The following NAA11 variants were observed in gnomAD, a reference collection of about 807,000 sequenced individuals.
NAA11 encodes N-alpha-acetyltransferase 11.
NAA11 carries 15 observed loss-of-function variants against 16.1 expected under a neutral mutation model. The ratio of observed to expected loss-of-function variants is 0.93; its 90% CI spans 0.62 to 1.44. The LOEUF is 1.44. NAA11 is among the 40% of genes most tolerant of loss of function. The pLI is 0.00. For synonymous variants in NAA11, 122 were observed against 112.4 expected, an observed-to-expected ratio of 1.09 and a Z score of -0.54; for missense variants, 298 against 291.3, an observed-to-expected ratio of 1.02 and a Z score of -0.17.
At chr4:79,212,295 T>TA in the NAA11 span, among the ~76,000 whole-genome samples, 1 of 152,192 alleles carries the variant, frequency 6.6e-6, no homozygotes, top group Non-Finnish European at 1.5e-5. Flanking sequence ...TTTCCCCTGT[T>TA]ATTAAAGTTT....
Position 79,229,637 on chromosome 4 carries a change from TTAATAA to T in NAA11, c.*123-3373_*123-3368del, listed in dbSNP as rs1560690796. 2.0e-5 allele frequency among the ~76,000 whole-genome samples: 3 copies of T among 151,936 alleles called. No homozygotes were observed. In the East Asian group the frequency reaches 5.8e-4, roughly 29 times the overall value. ...GTTTCAGTGATCCATTGGTCTGTAT[TTAATAA>T]TAATAATATCTAACATTTAGTAAAT... On this transcript the variant is annotated intron_variant and NMD_transcript_variant, in intron 2 of 2. Transcript: ENST00000511542.
chr4:79,263,449 A>C (rs918512612), intron 2 of NAA11, among the ~76,000 whole-genome samples: 2 of 152,188 alleles, frequency 1.3e-5, no homozygotes, highest in Non-Finnish European at 2.9e-5. Flanking sequence ...GAACAAAAAG[A>C]AAGCATTGAG....
At chr4:79,176,536 A>G in the NAA11 span, among the ~76,000 whole-genome samples, 1 of 152,074 alleles carries the variant, frequency 6.6e-6, no homozygotes, top group Non-Finnish European at 1.5e-5. Flanking sequence ...TCTTTGTTCT[A>G]TTAAGGCCTT....
chr4:79,232,592 A>T (rs901290683), intron 2 of NAA11, among the ~76,000 whole-genome samples: 1 of 151,956 alleles, frequency 6.6e-6, no homozygotes, highest in Non-Finnish European at 1.5e-5. Flanking sequence ...TTCTCTATCC[A>T]CTTGTTTAGG....
the NAA11 span, among the ~76,000 whole-genome samples, chr4:79,176,468 G>A: frequency 6.6e-6 from 1 of 152,072 alleles, no homozygotes; most frequent in Non-Finnish European, 1.5e-5. Context: ...GGAAAGAGTT[G>A]CAGTTTGCGT....
At chr4:79,299,385 A>G (rs1723324036) in intron 1 of NAA11, 1 of 152,184 alleles carries the variant, frequency 6.6e-6, no homozygotes, top group Non-Finnish European at 1.5e-5. Flanking sequence ...ACAAGATGAA[A>G]GACTTTGGAA....
chr4:79,230,310 A>G (rs373343478), intron 2 of NAA11, among the ~76,000 whole-genome samples: 43 of 151,964 alleles, frequency 2.8e-4, no homozygotes, highest in African/African-American at 9.2e-4. Context: ...GCATTGGGAG[A>G]TATACCTAAT....
At chr4:79,276,827 A>G (rs1722660477) in intron 2 of NAA11, among the ~76,000 whole-genome samples, 1 of 152,286 alleles carries the variant, frequency 6.6e-6, no homozygotes, top group Non-Finnish European at 1.5e-5. Flanking sequence ...GGAATACCAG[A>G]TCAATTTAAA....
At chr4:79,314,805 T>C (rs141762878), downstream of NAA11, among the ~76,000 whole-genome samples, 34 of 152,212 alleles carry the variant, frequency 2.2e-4, 1 homozygote, top group East Asian at 6.0e-3. Context: ...TCATACACCA[T>C]TCACTTGCCT....
chr4:79,193,989 C>T, the NAA11 span, among the ~76,000 whole-genome samples: 5 of 152,110 alleles, frequency 3.3e-5, no homozygotes, highest in Admixed American at 2.6e-4. Context: ...TTTGAAGCAA[C>T]TGTGAATGGG....
the NAA11 span, among the ~76,000 whole-genome samples, chr4:79,182,614 G>A: frequency 1.3e-5 from 2 of 152,126 alleles, no homozygotes; most frequent in African/African-American, 4.8e-5. Flanking sequence ...GGAAAGGTCA[G>A]GCTTTGAGTG....
the NAA11 span, among the ~76,000 whole-genome samples, chr4:79,159,611 GGTTGGT>G: frequency 7.9e-5 from 12 of 152,128 alleles, no homozygotes; most frequent in South Asian, 2.5e-3. Context: ...TATACTATTA[GGTTGGT>G]GAAAAGTAAT....
chr4:79,215,523 G>A, the NAA11 span, among the ~76,000 whole-genome samples: 1 of 152,164 alleles, frequency 6.6e-6, no homozygotes, highest in East Asian at 1.9e-4. Flanking sequence ...TGCTTTCTGG[G>A]TTTCCTCAGC....
chr4:79,192,058 A>G, the NAA11 span, among the ~76,000 whole-genome samples: 3 of 152,140 alleles, frequency 2.0e-5, no homozygotes, highest in Non-Finnish European at 4.4e-5. Context: ...TTTTTGTGCT[A>G]GTGCTATGCT....
chr4:79,174,432 A>T, the NAA11 span, among the ~76,000 whole-genome samples: 1 of 152,086 alleles, frequency 6.6e-6, no homozygotes, highest in African/African-American at 2.4e-5. Flanking sequence ...CGTGTACAGG[A>T]TTTTATGTTG....
the NAA11 span, among the ~76,000 whole-genome samples, chr4:79,182,525 G>T: frequency 6.6e-6 from 1 of 152,186 alleles, no homozygotes; most frequent in Non-Finnish European, 1.5e-5. Context: ...AAGAGAGATT[G>T]TTCCCCAATT....
chr4:79,250,640 TTAAAG>T (rs1347057824), intron 2 of NAA11, among the ~76,000 whole-genome samples: 4 of 152,138 alleles, frequency 2.6e-5, no homozygotes, highest in Non-Finnish European at 2.9e-5. Flanking sequence ...TGGGACCTGA[TTAAAG>T]TAAAGAGTTT....
chr4:79,204,010 T>C, the NAA11 span, among the ~76,000 whole-genome samples: 1 of 151,874 alleles, frequency 6.6e-6, no homozygotes, highest in Non-Finnish European at 1.5e-5. Context: ...TAATATTCAT[T>C]TTTGTGAGGA....
At chr4:79,264,698 T>C (rs1051900764) in intron 2 of NAA11, among the ~76,000 whole-genome samples, 5 of 152,066 alleles carry the variant, frequency 3.3e-5, no homozygotes, top group African/African-American at 2.4e-5. Flanking sequence ...GGCAGTGCTC[T>C]TTTTTTGTTT....
Sources: gnomAD v4.1 joint callset for allele counts (sites outside exome capture counted in the v4.1 genomes callset) on GRCh38, gnomAD v4.1.1 for gene constraint, MANE v1.5 for transcripts, NCBI Gene and HGNC (gene_info 2026-07-23, HGNC 2026-07-21) for gene names.